Variants in WDR7 observed in about 807,000 individuals in gnomAD.
WDR7 encodes WD repeat domain 7.
Under a neutral mutation model 169.4 loss-of-function variants are expected in WDR7, and 46 were observed. The observed-to-expected ratio is 0.27, with a 90% confidence interval of 0.21 to 0.35. WDR7 has a LOEUF of 0.35. Ranked by LOEUF, WDR7 falls within the 10% of genes least tolerant of loss-of-function variation. The probability of loss-of-function intolerance (pLI) is 1.00; values close to 1 mark genes in which losing one functional copy is unlikely to be tolerated. For missense variants in WDR7, 1,534 were observed against 1,859.3 expected (o/e 0.83, Z 3.22); for synonymous variants, 612 against 666.8 (o/e 0.92, Z 1.27).
At chr18:56,885,099 A>G (rs1599129078) in intron 21 of WDR7, among the ~76,000 whole-genome samples, 1 of 152,192 alleles carries the variant, frequency 6.6e-6, no homozygotes. Context: ...AGAGCAGTAC[A>G]TCAAGGGAGC....
intron 14 of WDR7, among the ~76,000 whole-genome samples, chr18:56,751,453 A>G (rs781309472): frequency 1.3e-5 from 2 of 152,184 alleles, no homozygotes; most frequent in Non-Finnish European, 2.9e-5. Context: ...TCTTTATCCT[A>G]AAAGAATTTT....
At chr18:56,879,582 T>C (rs139499252) in intron 20 of WDR7, among the ~76,000 whole-genome samples, 1 of 152,192 alleles carries the variant, frequency 6.6e-6, no homozygotes, top group Non-Finnish European at 1.5e-5. Flanking sequence ...CAAAAGTTTT[T>C]AGTATTGATG....
intron 3 of WDR7, 58 bp from the exon 4 acceptor site, chr18:56,681,255 A>G: frequency 8.7e-7 from 1 of 1,146,118 alleles, no homozygotes; most frequent in East Asian, 2.6e-5. Flanking sequence ...CACTGTGACA[A>G]AGTTGAATGG....
chr18:56,789,469 C>T (rs562329323), intron 19 of WDR7, among the ~76,000 whole-genome samples: 2 of 152,336 alleles, frequency 1.3e-5, no homozygotes, highest in East Asian at 1.9e-4. Context: ...CAACAGCCTG[C>T]GCTCAGGATG....
intron 25 of WDR7, among the ~76,000 whole-genome samples, chr18:56,942,227 C>T (rs2047043849): frequency 6.6e-6 from 1 of 152,120 alleles, no homozygotes; most frequent in Admixed American, 6.5e-5. Flanking sequence ...TGCACAGGCT[C>T]AGTGCATAAA....
chr18:56,959,604 A>C (rs2047308953), intron 25 of WDR7, among the ~76,000 whole-genome samples: 1 of 152,128 alleles, frequency 6.6e-6, no homozygotes, highest in Non-Finnish European at 1.5e-5. Flanking sequence ...CTGGAGACCA[A>C]GACACCATTT....
At chr18:56,657,601 T>G (rs2024805252) in intron 1 of WDR7, among the ~76,000 whole-genome samples, 1 of 152,240 alleles carries the variant, frequency 6.6e-6, no homozygotes, top group African/African-American at 2.4e-5. Flanking sequence ...TCAGTGAAAT[T>G]CTGCCATCAA....
At chr18:56,724,207 T>C (rs957282418) in intron 13 of WDR7, among the ~76,000 whole-genome samples, 2 of 92,304 alleles carry the variant, frequency 2.2e-5, no homozygotes, top group Non-Finnish European at 4.0e-5. Flanking sequence ...ACATGCCTGG[T>C]AATTTTTTTT....
At chr18:57,032,358 G>C (rs2048445626), downstream of WDR7, 1 of 152,210 alleles carries the variant, frequency 6.6e-6, no homozygotes, top group African/African-American at 2.4e-5. Context: ...TGTAGGTTCT[G>C]TTGCCAATAT....
intron 14 of WDR7, among the ~76,000 whole-genome samples, chr18:56,741,646 A>G (rs2043623679): frequency 6.6e-6 from 1 of 152,180 alleles, no homozygotes; most frequent in Non-Finnish European, 1.5e-5. Context: ...TTTGGGATGG[A>G]TACTTTGAAA....
intron 2 of WDR7, among the ~76,000 whole-genome samples, chr18:56,676,862 A>G (rs950546142): frequency 6.6e-6 from 1 of 151,860 alleles, no homozygotes; most frequent in Non-Finnish European, 1.5e-5. Context: ...GGCCCATGTC[A>G]CTGTGTCAGG....
chr18:56,941,140 C>T (rs889369019), intron 25 of WDR7, among the ~76,000 whole-genome samples: 2 of 152,100 alleles, frequency 1.3e-5, no homozygotes, highest in Non-Finnish European at 2.9e-5. Context: ...GATATCCTCA[C>T]GGGGCACAGG....
rs149354581 is a variant in WDR7 at position 56,936,086 on chromosome 18, G to A, written c.3831+181G>A. On this transcript the variant is annotated intron_variant, in intron 23 of 27. Coordinates refer to ENST00000254442, the MANE Select transcript of WDR7 (RefSeq NM_015285.3). The stretch of plus-strand genomic sequence containing the variant: ...GCATGTACACTGAATTCCACGGTGT[G>A]GTGCATTCATTACTTCTGCTTCTGT... 253 of 529,228 alleles carry A rather than the reference G, an allele frequency of 4.8e-4. 3 individuals carry two copies. In the East Asian group the frequency reaches 7.2e-3, roughly 15 times the overall value. 32.8% of individuals were successfully genotyped at this position (529,228 alleles called of 1,614,324 possible).
intron 12 of WDR7, among the ~76,000 whole-genome samples, chr18:56,697,254 C>T (rs567502478): frequency 6.1e-4 from 93 of 152,320 alleles, no homozygotes; most frequent in African/African-American, 2.1e-3. Flanking sequence ...AAATTGAAAA[C>T]AGTCTTACTG....
chr18:57,011,754 G>A (rs1375226770), intron 26 of WDR7, among the ~76,000 whole-genome samples: 1 of 152,222 alleles, frequency 6.6e-6, no homozygotes, highest in East Asian at 1.9e-4. Flanking sequence ...AGTCTTATGT[G>A]CGTAGACTAT....
intron 26 of WDR7, among the ~76,000 whole-genome samples, chr18:56,988,899 G>A (rs547026992): frequency 3.3e-5 from 5 of 151,710 alleles, no homozygotes; most frequent in African/African-American, 4.8e-5. Flanking sequence ...TTTTTGTTCC[G>A]GTTTCTTGTA....
intron 12 of WDR7, among the ~76,000 whole-genome samples, chr18:56,707,934 T>A (rs960253130): frequency 2.0e-5 from 3 of 151,940 alleles, no homozygotes; most frequent in African/African-American, 7.3e-5. Context: ...GTTAGAAAAA[T>A]GAGGACAGTA....
chr18:56,898,914 A>G (rs907351917), intron 21 of WDR7, among the ~76,000 whole-genome samples: 2 of 152,130 alleles, frequency 1.3e-5, no homozygotes, highest in African/African-American at 4.8e-5. Context: ...CTGAGTGAAG[A>G]ATTCTGTGAA....
chr18:56,829,369 A>G (rs2045270157), intron 20 of WDR7, among the ~76,000 whole-genome samples: 1 of 152,104 alleles, frequency 6.6e-6, no homozygotes, highest in Admixed American at 6.5e-5. Flanking sequence ...TGGAAAAGGG[A>G]AATCTGAGAG....
Sources: gnomAD v4.1 joint callset for allele counts (sites outside exome capture counted in the v4.1 genomes callset) on GRCh38, gnomAD v4.1.1 for gene constraint, MANE v1.5 for transcripts, NCBI Gene and HGNC (gene_info 2026-07-23, HGNC 2026-07-21) for gene names.